GRIK3: variants seen among roughly 807,000 people sequenced by gnomAD.
GRIK3 encodes glutamate ionotropic receptor kainate type subunit 3.
In GRIK3, 29 loss-of-function variants were observed where a neutral mutation model predicts 102.5. The observed-to-expected ratio is 0.28, with a 90% CI of 0.21 to 0.39. The LOEUF (loss-of-function observed/expected upper bound fraction) is 0.39, where lower values mean the gene tolerates loss of function less well. Among genes scored for constraint, GRIK3 ranks in the 10% least tolerant of loss-of-function variants. The pLI, the probability that GRIK3 is intolerant of heterozygous loss-of-function variation, is 1.00. For missense variants in GRIK3, 908 were observed against 1,252.4 expected (o/e 0.73, Z 4.15); for synonymous variants, 511 against 504.9 (o/e 1.01, Z -0.16).
intron 1 of GRIK3, among the ~76,000 whole-genome samples, chr1:36,946,784 T>C (rs113523248): frequency 0.011 from 1,632 of 151,856 alleles, 32 homozygotes; most frequent in African/African-American, 0.037. Context: ...CACGGCAGGG[T>C]TGAGATGCAA....
chr1:36,998,260 A>AC (rs1193684836), intron 1 of GRIK3, among the ~76,000 whole-genome samples: 1 of 152,182 alleles, frequency 6.6e-6, no homozygotes, highest in African/African-American at 2.4e-5. Flanking sequence ...GAGGCCTAGC[A>AC]CCCCAACATC....
chr1:36,844,439 A>G (rs1640497155), intron 9 of GRIK3, among the ~76,000 whole-genome samples: 1 of 152,204 alleles, frequency 6.6e-6, no homozygotes, highest in Non-Finnish European at 1.5e-5. Flanking sequence ...ATCTCTGGGC[A>G]ATGCTCCTGC....
intron 1 of GRIK3, among the ~76,000 whole-genome samples, chr1:37,002,608 A>C (rs906867396): frequency 6.6e-6 from 1 of 151,940 alleles, no homozygotes; most frequent in African/African-American, 2.4e-5. Context: ...ACAGTACCAG[A>C]CATGGTTTAT....
intron 1 of GRIK3, among the ~76,000 whole-genome samples, chr1:36,938,926 G>A (rs752905056): frequency 1.3e-5 from 2 of 152,214 alleles, no homozygotes; most frequent in Non-Finnish European, 2.9e-5. Flanking sequence ...GCCAACTTGA[G>A]AGGCTGAAGA....
intron 10 of GRIK3, among the ~76,000 whole-genome samples, chr1:36,837,370 T>C (rs1028851757): frequency 5.3e-5 from 8 of 152,148 alleles, no homozygotes; most frequent in African/African-American, 1.9e-4. Context: ...CCTCCTTAAC[T>C]GTCCAGAGTA....
rs1022494066 is a variant in GRIK3, at chr1:36,996,585, G to A, written c.115+37409C>T. Among the ~76,000 whole-genome samples, 4 of 152,312 alleles carry A rather than the reference G, an allele frequency of 2.6e-5. No individual in the cohort carries two copies. In the South Asian group the frequency reaches 6.2e-4, roughly 24 times the overall value. ...TCATCCTAAGCTGAGAAGGAGGTGG[G>A]AGAAGAGGTGAAGACCAAAAAGATG... On this transcript the variant is annotated intron_variant, in intron 1 of 15. Transcript: ENST00000373091.
In GRIK3 at chr1:36,890,908, C is replaced by G; in HGVS notation, c.292+12G>C. On this transcript the variant is annotated intron_variant, in intron 2 of 15. Coordinates refer to ENST00000373091, the MANE Select transcript of GRIK3 (RefSeq NM_000831.4). The stretch of plus-strand genomic sequence containing the variant: ...GCTGGGAAGAGAACAGAGGCAGGAG[C>G]TGCACACTCACCCTTTTTGGTCGCC... 5.0e-6 allele frequency: 8 copies of G among 1,600,428 alleles called. No homozygotes were observed. Among genetic ancestry groups the G allele is most frequent in the Non-Finnish European group, 6.8e-6 (8 of 1,171,346 alleles).
chr1:36,937,750 G>A (rs149982049), intron 1 of GRIK3, among the ~76,000 whole-genome samples: 10 of 152,174 alleles, frequency 6.6e-5, no homozygotes, highest in Non-Finnish European at 7.3e-5. Flanking sequence ...GATTGCTTCA[G>A]GTTTATAATG....
chr1:36,820,218 A>G lies in GRIK3; in HGVS notation c.1755-364T>C, dbSNP rs146840636. Among the ~76,000 whole-genome samples, 316 of 152,296 alleles carry G rather than the reference A, an allele frequency of 2.1e-3. 4 individuals are homozygous for G. In the East Asian group the frequency reaches 0.027, roughly 13 times the overall value. The stretch of plus-strand genomic sequence containing the variant: ...AAAAAAACCTGGAAACCACCAAAAT[A>G]TCCTTCAATAAAGGAATGATTAAAT... On this transcript the variant is annotated intron_variant, in intron 11 of 15. Transcript: ENST00000373091.
At chr1:36,895,719 A>T (rs581382) in intron 1 of GRIK3, among the ~76,000 whole-genome samples, 3,109 of 152,286 alleles carry the variant, frequency 0.02, 103 homozygotes, top group East Asian at 0.11. Context: ...TGAAACAGTA[A>T]TGACTTTCCT....
Position 36,982,841 on chromosome 1 carries a change from C to T in GRIK3, c.115+51153G>A, listed in dbSNP as rs569504644. On this transcript the variant is annotated intron_variant, in intron 1 of 15. Transcript: ENST00000373091. The stretch of plus-strand genomic sequence containing the variant: ...GGGGTGGTGGGGGAAGGAGGGGGAG[C>T]GCCTGCCAGGCTGGGTGAAGGCTGT... 1.2e-4 allele frequency among the ~76,000 whole-genome samples: 18 copies of T among 151,998 alleles called. No homozygotes were observed. In the South Asian group the frequency reaches 2.7e-3, roughly 23 times the overall value.
chr1:36,848,816 A>C (rs371840184), intron 9 of GRIK3, among the ~76,000 whole-genome samples: 63 of 146,732 alleles, frequency 4.3e-4, no homozygotes, highest in African/African-American at 1.3e-3. Context: ...GTTCCTCTTG[A>C]GATATTTTTG....
At chr1:37,030,612 G>A (rs1034970052) in intron 1 of GRIK3, among the ~76,000 whole-genome samples, 1 of 137,778 alleles carries the variant, frequency 7.3e-6, no homozygotes, top group African/African-American at 2.7e-5. Context: ...CCCACTGGCT[G>A]GCTGGAGATC....
rs1642417055 is a variant in GRIK3, at chr1:36,996,142, A to T, written c.115+37852T>A. Among the ~76,000 whole-genome samples, 3 of 152,234 alleles carry T rather than the reference A, an allele frequency of 2.0e-5. No individual in the cohort carries two copies. In the South Asian group the frequency reaches 6.2e-4, roughly 31 times the overall value. ...GAGAGCACCTTCATGGACCAGATCC[A>T]AAGTGTCCAAGGCCCTGCTTCCAGG... is the stretch of plus-strand genomic sequence containing the variant. On this transcript the variant is annotated intron_variant, in intron 1 of 15. Transcript: ENST00000373091.
intron 1 of GRIK3, among the ~76,000 whole-genome samples, chr1:36,949,557 T>C (rs1641820081): frequency 6.6e-6 from 1 of 151,204 alleles, no homozygotes; most frequent in East Asian, 1.9e-4. Flanking sequence ...CTTTTTTTTC[T>C]TTCTCTCTCT....
At chr1:36,912,849 G>A (rs1234326412) in intron 1 of GRIK3, among the ~76,000 whole-genome samples, 2 of 152,170 alleles carry the variant, frequency 1.3e-5, no homozygotes, top group African/African-American at 4.8e-5. Context: ...ATGTATGTGT[G>A]CCTAAAACAC....
At chr1:36,861,885 G>A (rs545168187) in intron 5 of GRIK3, among the ~76,000 whole-genome samples, 12 of 152,214 alleles carry the variant, frequency 7.9e-5, no homozygotes, top group Non-Finnish European at 1.3e-4. Context: ...AGCAGATGCG[G>A]GCTTCCCTCT....
intron 9 of GRIK3, 96 bp from the exon 10 acceptor site, chr1:36,842,035 T>C (rs529507314): frequency 2.0e-6 from 2 of 1,013,310 alleles, no homozygotes; most frequent in Admixed American, 1.7e-5. Flanking sequence ...TCTGCTCATG[T>C]TTTTATAAAC....
chr1:36,858,478 C>T (rs1026037173), intron 7 of GRIK3, among the ~76,000 whole-genome samples: 3 of 152,310 alleles, frequency 2.0e-5, no homozygotes, highest in Middle Eastern at 3.4e-3. Flanking sequence ...ACTGTGTGTT[C>T]CATGGTCTAG....
Sources: allele counts gnomAD v4.1 joint callset (sites outside exome capture counted in the v4.1 genomes callset), GRCh38; gene constraint gnomAD v4.1.1; transcripts MANE v1.5; gene names NCBI Gene and HGNC (gene_info 2026-07-23, HGNC 2026-07-21).